The following RGMA variants were observed in gnomAD, a reference collection of about 807,000 sequenced individuals.
The protein encoded by RGMA is repulsive guidance molecule BMP co-receptor a.
A neutral mutation model predicts 23.2 loss-of-function variants in RGMA; 10 were observed. The ratio of observed to expected loss-of-function variants is 0.43; its 90% CI spans 0.27 to 0.73. The LOEUF (loss-of-function observed/expected upper bound fraction) is 0.73, where lower values mean the gene tolerates loss of function less well. Among genes scored for constraint, RGMA ranks in the 30% least tolerant of loss-of-function variants. The probability of loss-of-function intolerance (pLI) is 0.20; values close to 1 mark genes in which losing one functional copy is unlikely to be tolerated. For synonymous variants in RGMA, 308 were observed against 279.3 expected (o/e 1.10, Z -1.03); for missense variants, 547 against 630.5 (o/e 0.87, Z 1.42).
intron 1 of RGMA, among the ~76,000 whole-genome samples, chr15:93,074,556 T>C (rs1895437498): frequency 6.6e-6 from 1 of 152,236 alleles, no homozygotes; most frequent in Admixed American, 6.5e-5. Flanking sequence ...CAACTCTTCT[T>C]TACGAGGGGG....
chr15:93,063,684 C>G (rs1300298469), intron 2 of RGMA, among the ~76,000 whole-genome samples: 1 of 152,214 alleles, frequency 6.6e-6, no homozygotes, highest in Non-Finnish European at 1.5e-5. Flanking sequence ...ATGCATTCCT[C>G]CCTGAGTCTA....
chr15:93,048,928 C>T (rs2054873189), intron 3 of RGMA, among the ~76,000 whole-genome samples: 1 of 152,004 alleles, frequency 6.6e-6, no homozygotes. Context: ...GTCCTGCTTT[C>T]CAAGTGCCAT....
intron 1 of RGMA, chr15:93,088,437 G>C: frequency 5.1e-6 from 5 of 985,946 alleles, no homozygotes; most frequent in Non-Finnish European, 6.0e-6. Flanking sequence ...AGGGCCGCCG[G>C]GACGCGAGCC....
intron 2 of RGMA, among the ~76,000 whole-genome samples, chr15:93,070,290 C>T (rs555431970): frequency 6.6e-6 from 1 of 152,214 alleles, no homozygotes; most frequent in Non-Finnish European, 1.5e-5. Flanking sequence ...AATTTGCACT[C>T]CTATAGGCTT....
At chr15:93,076,998 A>C (rs745997651) in intron 1 of RGMA, among the ~76,000 whole-genome samples, 12 of 152,180 alleles carry the variant, frequency 7.9e-5, no homozygotes, top group Non-Finnish European at 1.3e-4. Context: ...GAGGGGAAAG[A>C]AGCTTTCCCA....
Position 93,042,724 on chromosome 15 carries a change from TC to T in RGMA, c.*2273del, listed in dbSNP as rs1276444374. ...ATCGGCAAAATGGGCCTGAATTTCTTCCTGATTCACTGGGTAGTTTGTACAG... is the reference window on the plus strand; with the variant it reads ...ATCGGCAAAATGGGCCTGAATTTCTTCTGATTCACTGGGTAGTTTGTACAG... On this transcript the variant is annotated 3_prime_UTR_variant, in exon 4 of 4. Coordinates refer to ENST00000329082, the MANE Select transcript of RGMA (RefSeq NM_020211.3). 1 of 152,248 alleles carries T rather than the reference TC, an allele frequency of 6.6e-6. No individual in the cohort carries two copies. The highest frequency in any genetic ancestry group is 1.5e-5 in the Non-Finnish European group (1 of 68,062). 9.4% of individuals were successfully genotyped at this position (152,248 alleles called of 1,614,324 possible). A position where few individuals can be genotyped will look rare whatever the true frequency, so the allele number is the denominator to read the frequency against.
At chr15:93,050,603 C>G (rs1301601225) in intron 3 of RGMA, among the ~76,000 whole-genome samples, 2 of 152,218 alleles carry the variant, frequency 1.3e-5, no homozygotes, top group African/African-American at 2.4e-5. Context: ...TCCACCCCGT[C>G]ACATCACCCC....
chr15:93,077,332 T>G (rs1320073272), intron 1 of RGMA, among the ~76,000 whole-genome samples: 3 of 152,152 alleles, frequency 2.0e-5, no homozygotes, highest in Non-Finnish European at 4.4e-5. Context: ...TGAATCTCTG[T>G]GGGGTAGAGC....
chr15:93,061,159 G>T (rs1894947896), intron 2 of RGMA, among the ~76,000 whole-genome samples: 1 of 152,184 alleles, frequency 6.6e-6, no homozygotes, highest in African/African-American at 2.4e-5. Context: ...CCTATCAGGA[G>T]ATTTACTTAT....
In RGMA at chr15:93,045,686, T is replaced by C. The variant is rs1354730322; in HGVS notation, c.665A>G (p.Asn222Ser). ...CTTCTGGTCCACACACTCCTGGAAG[T>C]TCTTGAAGATGATGGTGAGCTGCCG... The part of the protein sequence containing the change: ...ATSKLTIIFK[N>S]FQECVDQKVY... The change falls in exon 4 of 4, where the codon AAC (asparagine) becomes AGC (serine). Residue 222 changes from asparagine to serine, a missense_variant. This residue lies in a region of RGMA where 128 missense variants were observed against 191.7 expected (regional missense o/e 0.67). Coordinates refer to ENST00000329082, the MANE Select transcript of RGMA (RefSeq NM_020211.3). The surrounding 1 kb of genome is among the most constrained non-coding windows in gnomAD (Gnocchi z 6.9). 1 of 1,603,936 alleles carries C rather than the reference T, an allele frequency of 6.2e-7. No homozygotes were observed. Among genetic ancestry groups the C allele is most frequent in the East Asian group, 2.2e-5 (1 of 44,850 alleles).
chr15:93,053,081 C>T (rs757040419), intron 2 of RGMA, among the ~76,000 whole-genome samples: 6 of 152,144 alleles, frequency 3.9e-5, no homozygotes, highest in African/African-American at 7.2e-5. Flanking sequence ...CAATGAACGT[C>T]GCCTGGTATG....
intron 2 of RGMA, 98 bp downstream of exon 2, chr15:93,072,818 C>G: frequency 7.5e-7 from 1 of 1,340,956 alleles, no homozygotes; most frequent in Non-Finnish European, 1.0e-6. Context: ...GGAGGAGGTC[C>G]GGAGAACTTG....
chr15:93,085,257 C>T (rs560754909), intron 1 of RGMA, among the ~76,000 whole-genome samples: 5 of 152,288 alleles, frequency 3.3e-5, no homozygotes, highest in African/African-American at 7.2e-5. Flanking sequence ...CCACAACAGA[C>T]GGTAACTACT....
In RGMA at chr15:93,063,779, T is replaced by C. The variant is rs189633074; in HGVS notation, c.130+9137A>G. Among the ~76,000 whole-genome samples, 66 of 152,304 alleles carry C rather than the reference T, an allele frequency of 4.3e-4. 1 individual carries two copies. In the East Asian group the frequency reaches 0.012, roughly 27 times the overall value. On this transcript the variant is annotated intron_variant, in intron 2 of 3. Transcript: ENST00000329082. Reference sequence around the variant, plus strand: ...TGGAAATTTTCTAGGAGGTTTTCTCTAGAAACCAGCCACAGGAGAAAGAGG... The same window carrying C: ...TGGAAATTTTCTAGGAGGTTTTCTCCAGAAACCAGCCACAGGAGAAAGAGG...
intron 2 of RGMA, among the ~76,000 whole-genome samples, chr15:93,057,956 G>A (rs1047136998): frequency 1.3e-5 from 2 of 152,074 alleles, no homozygotes; most frequent in South Asian, 2.1e-4. Context: ...GAGAGCACTC[G>A]GTTTCCTGCC....
rs2054760497 is a variant in RGMA, at chr15:93,043,632, G to A, written c.*1366C>T. ...AACCAGCAGGGAGAGGGAGGGGCCG[G>A]GCCCCGAGCGCCCTCCCACCCGCCC... is the stretch of plus-strand genomic sequence containing the variant. On this transcript the variant is annotated 3_prime_UTR_variant, in exon 4 of 4. Coordinates refer to ENST00000329082, the MANE Select transcript of RGMA (RefSeq NM_020211.3). 1 of 152,214 alleles carries A rather than the reference G, an allele frequency of 6.6e-6. No homozygotes were observed. Among genetic ancestry groups the A allele is most frequent in the African/African-American group, 2.4e-5 (1 of 41,430 alleles). The allele number at this position is 152,214 out of a possible 1,614,324, so 9.4% of individuals were successfully genotyped here.
At chr15:93,060,212 C>T (rs965210446) in intron 2 of RGMA, among the ~76,000 whole-genome samples, 14 of 152,336 alleles carry the variant, frequency 9.2e-5, no homozygotes, top group African/African-American at 2.6e-4. Flanking sequence ...GGCCACCCTC[C>T]GGCCCCTTGG....
In RGMA at chr15:93,065,497, G is replaced by A. The variant is rs564021749; in HGVS notation, c.130+7419C>T. 5.6e-4 allele frequency: 295 copies of A among 522,254 alleles called. 4 individuals are homozygous for A. Among genetic ancestry groups the A allele is most frequent in the African/African-American group, 4.7e-3 (242 of 51,728 alleles). 32.4% of individuals were successfully genotyped at this position (522,254 alleles called of 1,614,324 possible). A position where few individuals can be genotyped will look rare whatever the true frequency, so the allele number is the denominator to read the frequency against. On this transcript the variant is annotated intron_variant, in intron 2 of 3. Transcript: ENST00000329082. Reference sequence around the variant, plus strand: ...TTTGATGCCATGAATTATGGGAAACGGGGAACAGGGTACTGGGTAGGGTAC... The same window carrying A: ...TTTGATGCCATGAATTATGGGAAACAGGGAACAGGGTACTGGGTAGGGTAC...
rs1368700371 is a variant in RGMA at position 93,042,930 on chromosome 15, G to A, written c.*2068C>T. On this transcript the variant is annotated 3_prime_UTR_variant, in exon 4 of 4. Coordinates refer to ENST00000329082, the MANE Select transcript of RGMA (RefSeq NM_020211.3). ...CAGTGGCTGAGAGGGAGTCATCCCA[G>A]ATCTCAGGCTATCCCACCCATCTCA... is the stretch of plus-strand genomic sequence containing the variant. 2 of 152,246 alleles carry A rather than the reference G, an allele frequency of 1.3e-5. No homozygotes were observed. Among genetic ancestry groups the A allele is most frequent in the African/African-American group, 2.4e-5 (1 of 41,444 alleles). 9.4% of individuals were successfully genotyped at this position (152,246 alleles called of 1,614,324 possible). A position where few individuals can be genotyped will look rare whatever the true frequency, so the allele number is the denominator to read the frequency against.
Sources: gnomAD v4.1 joint callset for allele counts (sites outside exome capture counted in the v4.1 genomes callset) on GRCh38, gnomAD v4.1.1 for gene constraint, gnomAD v4.1.1 regional missense constraint, Gnocchi (gnomAD v3.1) non-coding constraint, MANE v1.5 for transcripts, NCBI Gene and HGNC (gene_info 2026-07-23, HGNC 2026-07-21) for gene names.